PLCXD3: variants seen among roughly 807,000 people sequenced by gnomAD.
PLCXD3 encodes the protein PI-PLC X domain-containing protein 3.
A neutral mutation model predicts 25.5 loss-of-function variants in PLCXD3; 19 were observed. The ratio of observed to expected loss-of-function variants is 0.75; its 90% CI spans 0.52 to 1.09. The LOEUF is 1.09. Ranked by LOEUF, PLCXD3 falls within the 50% of genes least tolerant of loss-of-function variation. The probability of loss-of-function intolerance (pLI) is 0.00; values close to 1 mark genes in which losing one functional copy is unlikely to be tolerated. For synonymous variants in PLCXD3, 174 were observed against 137.6 expected, an observed-to-expected ratio of 1.26 and a Z score of -1.85; for missense variants, 411 against 388.1, an observed-to-expected ratio of 1.06 and a Z score of -0.50.
intron 2 of PLCXD3, among the ~76,000 whole-genome samples, chr5:41,376,053 C>A (rs1580334495): frequency 6.6e-6 from 1 of 152,090 alleles, no homozygotes; most frequent in African/African-American, 2.4e-5. Context: ...GTGGGCTCAA[C>A]AACTACAGTT....
chr5:41,457,245 T>A (rs318080), intron 1 of PLCXD3, among the ~76,000 whole-genome samples: 1 of 151,776 alleles, frequency 6.6e-6, no homozygotes, highest in Non-Finnish European at 1.5e-5. Flanking sequence ...GAAAGCGATT[T>A]GCATGAACAT....
At chr5:41,483,592 T>A (rs184969627) in intron 1 of PLCXD3, among the ~76,000 whole-genome samples, 1 of 152,276 alleles carries the variant, frequency 6.6e-6, no homozygotes, top group African/African-American at 2.4e-5. Context: ...GTACAGAATT[T>A]CAGTTTTGCA....
Position 41,344,233 on chromosome 5 carries a change from T to C in PLCXD3, c.813-30463A>G, listed in dbSNP as rs578219472. 2.0e-4 allele frequency among the ~76,000 whole-genome samples: 31 copies of C among 152,252 alleles called. No homozygotes were observed. In the South Asian group the frequency reaches 6.4e-3, roughly 32 times the overall value. ...AGAAGACAAAAGATAGTTTGTCCAA[T>C]ATTTTGTTGACATATTTGGCCAGAA... On this transcript the variant is annotated intron_variant, in intron 2 of 2. Transcript: ENST00000377801.
intron 1 of PLCXD3, among the ~76,000 whole-genome samples, chr5:41,409,407 G>T (rs1022501127): frequency 2.6e-5 from 4 of 152,100 alleles, no homozygotes; most frequent in African/African-American, 9.7e-5. Context: ...TAATCCCACT[G>T]CCTGCGATAC....
At chr5:41,316,610 G>T (rs1279695792) in intron 2 of PLCXD3, among the ~76,000 whole-genome samples, 1 of 152,158 alleles carries the variant, frequency 6.6e-6, no homozygotes, top group African/African-American at 2.4e-5. Flanking sequence ...ACCTGCCCAG[G>T]GTCAGAGGGA....
intron 1 of PLCXD3, among the ~76,000 whole-genome samples, chr5:41,504,384 A>G (rs1749014413): frequency 6.6e-6 from 1 of 152,222 alleles, no homozygotes; most frequent in Non-Finnish European, 1.5e-5. Flanking sequence ...CTGCCCAGCC[A>G]CATAAAATCA....
chr5:41,332,725 A>C (rs1318018538), intron 2 of PLCXD3, among the ~76,000 whole-genome samples: 1 of 152,178 alleles, frequency 6.6e-6, no homozygotes, highest in African/African-American at 2.4e-5. Flanking sequence ...CTGGATTAAG[A>C]AAATGTGGCA....
chr5:41,459,713 A>G (rs530975566), intron 1 of PLCXD3, among the ~76,000 whole-genome samples: 1 of 151,804 alleles, frequency 6.6e-6, no homozygotes, highest in South Asian at 2.1e-4. Context: ...TCCCTGCAAC[A>G]ACTTCTCAAT....
intron 1 of PLCXD3, among the ~76,000 whole-genome samples, chr5:41,436,395 T>A (rs761582034): frequency 7.2e-5 from 11 of 152,128 alleles, no homozygotes; most frequent in Middle Eastern, 3.2e-3. Context: ...TTACTTAATG[T>A]CTCTAAGCCT....
intron 2 of PLCXD3, among the ~76,000 whole-genome samples, chr5:41,375,107 GA>G (rs915412341): frequency 4.0e-4 from 61 of 151,344 alleles, no homozygotes; most frequent in Middle Eastern, 3.4e-3. Context: ...CCATTGGAGA[GA>G]AAAAAAAGAG....
chr5:41,475,453 C>A (rs1185670257), intron 1 of PLCXD3, among the ~76,000 whole-genome samples: 1 of 152,100 alleles, frequency 6.6e-6, no homozygotes, highest in East Asian at 1.9e-4. Context: ...CCCTATCTGT[C>A]CGTATGGTCC....
At position 41,308,049 on chromosome 5, in the gene PLCXD3, G is replaced by C. The variant is rs545305757; in HGVS notation, c.*5568C>G. On this transcript the variant is annotated 3_prime_UTR_variant, in exon 3 of 3. Coordinates refer to ENST00000377801, the MANE Select transcript of PLCXD3 (RefSeq NM_001005473.3). Reference sequence around the variant, plus strand: ...GATTATCCCATCTGTATTTGAGTTCGTCCTTCAAAAAGCATTTGCAGGACC... The same window carrying C: ...GATTATCCCATCTGTATTTGAGTTCCTCCTTCAAAAAGCATTTGCAGGACC... 1 of 152,170 alleles carries C rather than the reference G, an allele frequency of 6.6e-6. No homozygotes were observed. Among genetic ancestry groups the C allele is most frequent in the South Asian group, 2.1e-4 (1 of 4,814 alleles). The allele number at this position is 152,170 out of a possible 1,614,324, so 9.4% of individuals were successfully genotyped here. A position where few individuals can be genotyped will look rare whatever the true frequency, so the allele number is the denominator to read the frequency against.
intron 1 of PLCXD3, among the ~76,000 whole-genome samples, chr5:41,501,960 C>A (rs1748960724): frequency 6.6e-6 from 1 of 151,944 alleles, no homozygotes; most frequent in African/African-American, 2.4e-5. Context: ...GATATTTTTA[C>A]AAGAATAAGA....
chr5:41,319,209 C>G (rs1421453120), intron 2 of PLCXD3, among the ~76,000 whole-genome samples: 4 of 152,120 alleles, frequency 2.6e-5, no homozygotes, highest in Non-Finnish European at 5.9e-5. Context: ...ACAGATCTTC[C>G]AGACAGAAAA....
chr5:41,331,853 T>G (rs1178042621), intron 2 of PLCXD3, among the ~76,000 whole-genome samples: 1 of 152,168 alleles, frequency 6.6e-6, no homozygotes, highest in Non-Finnish European at 1.5e-5. Context: ...AAGGATTCCC[T>G]ATTTAATAAA....
At chr5:41,327,008 T>C (rs1337102843) in intron 2 of PLCXD3, among the ~76,000 whole-genome samples, 1 of 152,168 alleles carries the variant, frequency 6.6e-6, no homozygotes, top group Non-Finnish European at 1.5e-5. Flanking sequence ...GGGAGCACAG[T>C]AGATAAAATC....
chr5:41,356,519 T>C (rs1003607193), intron 2 of PLCXD3, among the ~76,000 whole-genome samples: 6 of 152,196 alleles, frequency 3.9e-5, no homozygotes, highest in Admixed American at 2.0e-4. Context: ...GTTATTCCTT[T>C]TAACTGTTCC....
In PLCXD3 at chr5:41,335,041, G is replaced by T. The variant is rs117730006; in HGVS notation, c.813-21271C>A. Among the ~76,000 whole-genome samples, 56 of 152,272 alleles carry T rather than the reference G, an allele frequency of 3.7e-4. No individual in the cohort carries two copies. The East Asian group carries it at 7.0e-3, about 19-fold the overall frequency. ...AACAGACAATGGGTTTTCTTTCAAG[G>T]GCAGAACTCTTCTGTGTGGGATCAC... On this transcript the variant is annotated intron_variant, in intron 2 of 2. Coordinates refer to ENST00000377801, the MANE Select transcript of PLCXD3 (RefSeq NM_001005473.3).
chr5:41,364,842 A>T lies in PLCXD3; in HGVS notation c.812+16984T>A, dbSNP rs77380823. 3.3e-4 allele frequency among the ~76,000 whole-genome samples: 51 copies of T among 152,324 alleles called. No homozygotes were observed. In the East Asian group the frequency reaches 9.8e-3, roughly 29 times the overall value. ...AGGGAATCTACTTCATTTGATGTGT[A>T]CTTTTGATAATCAAGGAATGTATCT... On this transcript the variant is annotated intron_variant, in intron 2 of 2. Transcript: ENST00000377801.
Sources: gnomAD v4.1 joint callset for allele counts (sites outside exome capture counted in the v4.1 genomes callset) on GRCh38, gnomAD v4.1.1 for gene constraint, MANE v1.5 for transcripts, NCBI Gene and HGNC (gene_info 2026-07-23, HGNC 2026-07-21) for gene names.